Variants in PKN3 observed in about 807,000 individuals in gnomAD.
PKN3 encodes protein kinase N3.
PKN3 carries 91 observed loss-of-function variants against 113.1 expected under a neutral mutation model. The observed-to-expected ratio is 0.80, with a 90% CI of 0.68 to 0.96. The LOEUF (loss-of-function observed/expected upper bound fraction) is 0.96, where lower values mean the gene tolerates loss of function less well. PKN3 is among the 40% of genes least tolerant of loss of function. The pLI, the probability that PKN3 is intolerant of heterozygous loss-of-function variation, is 0.00. For missense variants in PKN3, 1,052 were observed against 1,202.2 expected, an observed-to-expected ratio of 0.88 and a Z score of 1.85; for synonymous variants, 467 against 499.0, an observed-to-expected ratio of 0.94 and a Z score of 0.85.
chr9:128,703,934 C>T (rs1181269988), intron 1 of PKN3: 1 of 985,358 alleles, frequency 1.0e-6, no homozygotes, highest in East Asian at 1.1e-4. Context: ...GGGCCCCCAG[C>T]TCCATGGGAC....
At chr9:128,711,989 A>C (rs1458705083) in intron 6 of PKN3, among the ~76,000 whole-genome samples, 1 of 151,556 alleles carries the variant, frequency 6.6e-6, no homozygotes, top group African/African-American at 2.4e-5. Flanking sequence ...GGCTCACTGC[A>C]ACCTCTGCCT....
In PKN3 at chr9:128,719,959, A is replaced by G. The variant is rs143005041; in HGVS notation, c.2318A>G (p.Asn773Ser). The G allele has an allele frequency of 6.2e-7, 1 of 1,614,118 alleles. No individual in the cohort carries two copies. The highest frequency in any genetic ancestry group is 8.5e-7 in the Non-Finnish European group (1 of 1,180,016). ...TEEEVFDCIVNMDAPYPGFLS... is the reference protein window; with the variant it reads ...TEEEVFDCIVSMDAPYPGFLS... ...GAAGAGGTGTTTGACTGCATCGTCA[A>G]CATGGACGCCCCCTACCCCGGCTTT... is the stretch of plus-strand genomic sequence containing the variant. Residue 773 changes from asparagine to serine, a missense_variant, in exon 20 of 22, where the codon AAC becomes AGC. Transcript: ENST00000291906.
Position 128,720,597 on chromosome 9 carries a change from G to C in PKN3, c.2661G>C (p.Leu887=). Residue 887 remains leucine (L), a synonymous_variant, in exon 22 of 22, where the codon CTG becomes CTC. Coordinates refer to ENST00000291906, the MANE Select transcript of PKN3 (RefSeq NM_013355.5). This position sits in a 1 kb window ranked among gnomAD's most constrained non-coding sequence, Gnocchi z 5.5. ...TCGACTTTGTGTCAGAGCGATTCCT[G>C]GAACCCTGAGGGCATCTCCTGGCAC... The part of the protein sequence containing the change: ...RDFDFVSERF[L]EP The C allele has an allele frequency of 6.2e-7, 1 of 1,612,788 alleles. No homozygotes were observed. The highest frequency in any genetic ancestry group is 8.5e-7 in the Non-Finnish European group (1 of 1,179,754).
rs903612879 is a variant in PKN3 at position 128,704,214 on chromosome 9, G to C, written c.25-1089G>C. ...GGTCACCTTTGGCACCGGTTGGTTT[G>C]AAATGCTGGCGGCTGGAAAGGAGGT... On this transcript the variant is annotated intron_variant, in intron 1 of 21. Coordinates refer to ENST00000291906, the MANE Select transcript of PKN3 (RefSeq NM_013355.5). The C allele has an allele frequency of 5.7e-5, 51 of 899,882 alleles. No individual in the cohort carries two copies. The African/African-American group carries it at 8.8e-4, about 16-fold the overall frequency. The allele number at this position is 899,882 out of a possible 1,614,324, so 55.7% of individuals were successfully genotyped here.
intron 18 of PKN3, among the ~76,000 whole-genome samples, 155 bp downstream of exon 18, chr9:128,718,780 A>T (rs918575935): frequency 7.9e-5 from 12 of 151,688 alleles, no homozygotes; most frequent in Non-Finnish European, 1.6e-4. Context: ...AGCTGGGCAC[A>T]CTGGCCCTTT....
chr9:128,704,004 T>G (rs1020644929), intron 1 of PKN3: 50 of 985,342 alleles, frequency 5.1e-5, no homozygotes, highest in Non-Finnish European at 5.8e-5. Context: ...GAGGATTTCC[T>G]GAGCCTCGCC....
Position 128,716,894 on chromosome 9 carries a change from C to T in PKN3, c.1956C>T (p.His652=), listed in dbSNP as rs780457846. ...VPGGDLMMQI[H]EDVFPEPQAR... ...GTGGTGACCTCATGATGCAGATCCA[C>T]GAGGATGTCTTCCCCGAGCCCCAGG... The change falls in exon 16 of 22, where the codon CAC becomes CAT. Residue 652 remains histidine, a synonymous_variant. Coordinates refer to ENST00000291906, the MANE Select transcript of PKN3 (RefSeq NM_013355.5). 80 of 1,613,786 alleles carry T rather than the reference C, an allele frequency of 5.0e-5. No homozygotes were observed. The highest frequency in any genetic ancestry group is 6.7e-5 in the Admixed American group (4 of 59,940).
chr9:128,704,775 G>C (rs1006397442), intron 1 of PKN3, among the ~76,000 whole-genome samples: 3 of 151,988 alleles, frequency 2.0e-5, no homozygotes, highest in African/African-American at 7.2e-5. Context: ...AAAATTAGCC[G>C]GGCTTAGTGG....
Position 128,707,260 on chromosome 9 carries a change from C to T in PKN3, c.690C>T (p.Asp230=), listed in dbSNP as rs1461469788. The change falls in exon 6 of 22, where the codon GAC becomes GAT. Residue 230 remains aspartate (D), a synonymous_variant. Coordinates refer to ENST00000291906, the MANE Select transcript of PKN3 (RefSeq NM_013355.5). ...TACAGGAGTCCTCTCAGAAACTGGA[C>T]CTCCTGCGCCTGGCCTTGGAGCAGC... The part of the protein sequence containing the change: ...AQLQESSQKL[D]LLRLALEQLL... 2 of 1,611,786 alleles carry T rather than the reference C, an allele frequency of 1.2e-6. No homozygotes were observed. The highest frequency in any genetic ancestry group is 1.3e-5 in the African/African-American group (1 of 74,902).
chr9:128,714,702 C>T (rs1862288230), intron 12 of PKN3, 38 bp downstream of exon 12: 5 of 1,370,644 alleles, frequency 3.6e-6, no homozygotes, highest in East Asian at 2.3e-5. Flanking sequence ...CTAGGGCCGG[C>T]TGGGGCTGGC....
intron 1 of PKN3, among the ~76,000 whole-genome samples, 166 bp downstream of exon 1, chr9:128,703,105 T>C (rs1469887127): frequency 1.3e-5 from 2 of 152,070 alleles, no homozygotes; most frequent in Non-Finnish European, 1.5e-5. Context: ...AGAGCAGACC[T>C]GATCTCCGGG....
At chr9:128,711,608 G>A (rs369587013) in intron 6 of PKN3, among the ~76,000 whole-genome samples, 5 of 149,346 alleles carry the variant, frequency 3.3e-5, no homozygotes, top group African/African-American at 1.2e-4. Context: ...TTTTTTTTGG[G>A]GGGGGTGGGG....
At chr9:128,709,317 G>C (rs1201903000) in intron 6 of PKN3, among the ~76,000 whole-genome samples, 2 of 151,466 alleles carry the variant, frequency 1.3e-5, no homozygotes, top group African/African-American at 4.8e-5. Flanking sequence ...AATTAGCCAG[G>C]TATGATGGTA....
In PKN3 at chr9:128,720,880, A is replaced by T; in HGVS notation, c.*274A>T. ...AAGGAGTGATATGGTTTGTCTTTTT[A>T]AGACTGGACTTGCTTTATATTAAAT... On this transcript the variant is annotated 3_prime_UTR_variant, in exon 22 of 22. Coordinates refer to ENST00000291906, the MANE Select transcript of PKN3 (RefSeq NM_013355.5). The surrounding 1 kb of genome is among the most constrained non-coding windows in gnomAD (Gnocchi z 5.5). 1 of 574,780 alleles carries T rather than the reference A, an allele frequency of 1.7e-6. No individual in the cohort carries two copies. The highest frequency in any genetic ancestry group is 3.1e-6 in the Non-Finnish European group (1 of 325,210). The allele number at this position is 574,780 out of a possible 1,614,324, so 35.6% of individuals were successfully genotyped here.
At chr9:128,705,650 G>C (rs1861991260) in intron 2 of PKN3, 84 bp from the exon 3 acceptor site, 1 of 1,540,854 alleles carries the variant, frequency 6.5e-7, no homozygotes, top group African/African-American at 1.4e-5. Flanking sequence ...CCTGCCTATA[G>C]ATCAGTAGGG....
intron 6 of PKN3, chr9:128,710,090 T>A (rs1224525768): frequency 6.6e-6 from 1 of 151,488 alleles, no homozygotes; most frequent in Non-Finnish European, 1.5e-5. Flanking sequence ...CACACCTGGC[T>A]AATTTTTTGT....
At chr9:128,714,973 G>A in intron 13 of PKN3, 108 bp downstream of exon 13, 1 of 1,161,740 alleles carries the variant, frequency 8.6e-7, no homozygotes, top group Admixed American at 1.7e-5. Flanking sequence ...TGCGCTGACT[G>A]GCTCTCGGGG....
Position 128,707,244 on chromosome 9 carries a change from C to T in PKN3, c.674C>T (p.Ser225Phe). Residue 225 changes from serine (S) to phenylalanine (F), a missense_variant, in exon 6 of 22, where the codon TCC (serine) becomes TTC (phenylalanine). Coordinates refer to ENST00000291906, the MANE Select transcript of PKN3 (RefSeq NM_013355.5). ...LAEAQAQLQESSQKLDLLRLA... is the reference protein window; with the variant it reads ...LAEAQAQLQEFSQKLDLLRLA... ...CAGGCCCAGGCCCAGCTACAGGAGT[C>T]CTCTCAGAAACTGGACCTCCTGCGC... is the stretch of plus-strand genomic sequence containing the variant. 6.2e-7 allele frequency: 1 copy of T among 1,610,090 alleles called. No homozygotes were observed. Among genetic ancestry groups the T allele is most frequent in the Middle Eastern group, 1.7e-4 (1 of 6,010 alleles).
chr9:128,719,962 T>C lies in PKN3; in HGVS notation c.2321T>C (p.Met774Thr). 6.2e-7 allele frequency: 1 copy of C among 1,614,112 alleles called. No individual in the cohort carries two copies. ...EEEVFDCIVN[M>T]DAPYPGFLSV... ...GAGGTGTTTGACTGCATCGTCAACATGGACGCCCCCTACCCCGGCTTTCTG... is the reference window on the plus strand; with the variant it reads ...GAGGTGTTTGACTGCATCGTCAACACGGACGCCCCCTACCCCGGCTTTCTG... The change falls in exon 20 of 22, where the codon ATG (methionine) becomes ACG (threonine). Residue 774 changes from methionine to threonine, a missense_variant. Transcript: ENST00000291906.
Sources: allele counts gnomAD v4.1 joint callset (sites outside exome capture counted in the v4.1 genomes callset), GRCh38; gene constraint gnomAD v4.1.1; non-coding constraint Gnocchi (gnomAD v3.1); transcripts MANE v1.5; gene names NCBI Gene and HGNC (gene_info 2026-07-23, HGNC 2026-07-21).